The following AUTS2 variants were observed in gnomAD, a reference collection of about 807,000 sequenced individuals.
AUTS2 encodes the protein activator of transcription and developmental regulator AUTS2.
In AUTS2, 17 loss-of-function variants were observed where a neutral mutation model predicts 112.4. The ratio of observed to expected loss-of-function variants is 0.15; its 90% CI spans 0.10 to 0.23. The LOEUF is 0.23. AUTS2 is among the 10% of genes least tolerant of loss of function. AUTS2 has a pLI of 1.00. For synonymous variants in AUTS2, 751 were observed against 702.7 expected, an observed-to-expected ratio of 1.07 and a Z score of -1.09; for missense variants, 1,510 against 1,701.6, an observed-to-expected ratio of 0.89 and a Z score of 1.98.
At chr7:70,326,310 C>T (rs1467766318) in intron 4 of AUTS2, among the ~76,000 whole-genome samples, 1 of 152,182 alleles carries the variant, frequency 6.6e-6, no homozygotes, top group Non-Finnish European at 1.5e-5. Context: ...TCCACTTCTC[C>T]CAAGGCAGCC....
intron 5 of AUTS2, among the ~76,000 whole-genome samples, chr7:70,499,568 C>A (rs1193200987): frequency 2.6e-5 from 4 of 152,208 alleles, no homozygotes; most frequent in Non-Finnish European, 4.4e-5. Context: ...CCCAAGATCC[C>A]AGCTACCCCT....
At chr7:70,045,845 A>G (rs958917049) in intron 2 of AUTS2, among the ~76,000 whole-genome samples, 1 of 130,368 alleles carries the variant, frequency 7.7e-6, no homozygotes, top group African/African-American at 3.0e-5. Context: ...CCAGGCTGGT[A>G]TCAAACTCCT....
rs554326510 is a variant in AUTS2, at chr7:70,709,658, C to T, written c.742+11038C>T. Among the ~76,000 whole-genome samples the T allele has an allele frequency of 2.8e-4, 42 of 152,246 alleles. No homozygotes were observed. In the East Asian group the frequency reaches 6.8e-3, roughly 25 times the overall value. ...CCCAGGAGGTGGAGGTTGCAGTGAGCGGAGATAGGCGCTACCACACTCCAG... is the reference window on the plus strand; with the variant it reads ...CCCAGGAGGTGGAGGTTGCAGTGAGTGGAGATAGGCGCTACCACACTCCAG... On this transcript the variant is annotated intron_variant, in intron 6 of 18. Coordinates refer to ENST00000342771, the MANE Select transcript of AUTS2 (RefSeq NM_015570.4).
chr7:70,214,182 T>A (rs1811059199), intron 4 of AUTS2, among the ~76,000 whole-genome samples: 2 of 152,196 alleles, frequency 1.3e-5, no homozygotes, highest in Non-Finnish European at 2.9e-5. Flanking sequence ...TGCTCCAAAC[T>A]GGTGGCTTAA....
intron 2 of AUTS2, among the ~76,000 whole-genome samples, chr7:69,970,992 G>T (rs1272333907): frequency 6.6e-6 from 1 of 152,086 alleles, no homozygotes; most frequent in Admixed American, 6.5e-5. Flanking sequence ...GAGCAACATA[G>T]CAAGACCTCA....
At chr7:70,448,210 A>C (rs142548700) in intron 5 of AUTS2, among the ~76,000 whole-genome samples, 45 of 152,184 alleles carry the variant, frequency 3.0e-4, no homozygotes, top group Admixed American at 4.6e-4. Flanking sequence ...ATCGCTTTCT[A>C]TTCCAAGCTT....
intron 5 of AUTS2, among the ~76,000 whole-genome samples, chr7:70,558,918 A>G (rs1021570990): frequency 1.3e-5 from 2 of 152,190 alleles, no homozygotes; most frequent in East Asian, 3.9e-4. Flanking sequence ...TTTGAAGGCC[A>G]TGCCATCTGA....
chr7:69,608,590 G>A (rs1264765942), intron 1 of AUTS2, among the ~76,000 whole-genome samples: 1 of 152,120 alleles, frequency 6.6e-6, no homozygotes, highest in Non-Finnish European at 1.5e-5. Context: ...ATATTCTATA[G>A]TTAAAATCTT....
chr7:70,418,213 C>T (rs1200965487), intron 4 of AUTS2, among the ~76,000 whole-genome samples: 1 of 152,070 alleles, frequency 6.6e-6, no homozygotes, highest in Non-Finnish European at 1.5e-5. Context: ...GCTGGGATTA[C>T]AGGCATGAGC....
chr7:70,781,637 A>T lies in AUTS2; in HGVS notation c.2027A>T (p.His676Leu). ...KVKKQMQSDP[H>L]KLDFGLKPEF... is the part of the protein sequence containing the mutation. ...TAGAAACAGATGCAGTCAGACCCACATAAGCTGGACTTTGGACTGAAACCT... is the reference window on the plus strand; with the variant it reads ...TAGAAACAGATGCAGTCAGACCCACTTAAGCTGGACTTTGGACTGAAACCT... The change falls in exon 15 of 19, where the codon CAT becomes CTT. Residue 676 changes from histidine to leucine, a missense_variant. By Grantham distance (99) the His-to-Leu change is moderately conservative. Coordinates refer to ENST00000342771, the MANE Select transcript of AUTS2 (RefSeq NM_015570.4). 6.2e-7 allele frequency: 1 copy of T among 1,614,118 alleles called. No homozygotes were observed. Among genetic ancestry groups the T allele is most frequent in the Non-Finnish European group, 8.5e-7 (1 of 1,180,012 alleles).
At chr7:70,487,803 G>A (rs998233494) in intron 5 of AUTS2, among the ~76,000 whole-genome samples, 3 of 152,158 alleles carry the variant, frequency 2.0e-5, no homozygotes, top group South Asian at 2.1e-4. Context: ...AGGATAAATC[G>A]GTGAGGAAAA....
chr7:70,360,127 C>G, intron 4 of AUTS2, among the ~76,000 whole-genome samples: 1 of 152,034 alleles, frequency 6.6e-6, no homozygotes, highest in East Asian at 1.9e-4. Flanking sequence ...AAAAAATAAG[C>G]AAGTATCTTT....
At chr7:70,253,276 CA>C (rs1242783324) in intron 4 of AUTS2, among the ~76,000 whole-genome samples, 2 of 152,116 alleles carry the variant, frequency 1.3e-5, no homozygotes, top group Non-Finnish European at 2.9e-5. Context: ...TTTTTGAATT[CA>C]AAACTGTTGA....
In AUTS2 at chr7:69,926,619, C is replaced by T. The variant is rs1402343805; in HGVS notation, c.522+27121C>T. On this transcript the variant is annotated intron_variant, in intron 2 of 18. Coordinates refer to ENST00000342771, the MANE Select transcript of AUTS2 (RefSeq NM_015570.4). Reference sequence around the variant, plus strand: ...ATGTTGCCATTTGTTTTTTGTTAGTCGCATTTTTTTTCCTTACCCTCTTTC... The same window carrying T: ...ATGTTGCCATTTGTTTTTTGTTAGTTGCATTTTTTTTCCTTACCCTCTTTC... Among the ~76,000 whole-genome samples the T allele has an allele frequency of 7.3e-5, 11 of 151,228 alleles. No homozygotes were observed. In the East Asian group the frequency reaches 9.8e-4, roughly 13 times the overall value.
chr7:70,533,591 A>G (rs1244224895), intron 5 of AUTS2, among the ~76,000 whole-genome samples: 1 of 152,180 alleles, frequency 6.6e-6, no homozygotes, highest in Admixed American at 6.5e-5. Flanking sequence ...CTTACATTGT[A>G]GCTCTATGCT....
At chr7:70,234,335 C>T (rs1251996624) in intron 4 of AUTS2, among the ~76,000 whole-genome samples, 3 of 152,138 alleles carry the variant, frequency 2.0e-5, no homozygotes, top group African/African-American at 4.8e-5. Flanking sequence ...GATTGTCATT[C>T]ACGTTTCTCT....
chr7:70,030,057 C>A lies in AUTS2; in HGVS notation c.523-88075C>A, dbSNP rs540218962. ...TTCCAGAAAATCTCAGCAGATTACT[C>A]ACAAGTTCAGTGGCCCAAAGTTGTA... is the stretch of plus-strand genomic sequence containing the variant. On this transcript the variant is annotated intron_variant, in intron 2 of 18. Transcript: ENST00000342771. Among the ~76,000 whole-genome samples the A allele has an allele frequency of 1.2e-4, 18 of 152,320 alleles. 1 individual carries two copies. The South Asian group carries it at 3.5e-3, about 30-fold the overall frequency.
intron 6 of AUTS2, among the ~76,000 whole-genome samples, chr7:70,718,998 G>A (rs1013358000): frequency 2.0e-5 from 3 of 152,140 alleles, no homozygotes; most frequent in African/African-American, 7.2e-5. Flanking sequence ...CAGTTTGTCA[G>A]AGTGGTTCAA....
At chr7:70,337,758 G>A (rs1267220988) in intron 4 of AUTS2, among the ~76,000 whole-genome samples, 1 of 152,218 alleles carries the variant, frequency 6.6e-6, no homozygotes, top group Non-Finnish European at 1.5e-5. Context: ...ACACATGTGT[G>A]TTCATGCATG....
Sources: allele counts gnomAD v4.1 joint callset (sites outside exome capture counted in the v4.1 genomes callset), GRCh38; gene constraint gnomAD v4.1.1; transcripts MANE v1.5; gene names NCBI Gene and HGNC (gene_info 2026-07-23, HGNC 2026-07-21).